BBOF1: variants seen among roughly 807,000 people sequenced by gnomAD.
BBOF1 encodes basal body-orientation factor 1.
In BBOF1, 62 loss-of-function variants were observed where a neutral mutation model predicts 68.0. The observed-to-expected ratio is 0.91, with a 90% CI of 0.74 to 1.13. The LOEUF is 1.13. BBOF1 is among the 50% of genes most tolerant of loss of function. The pLI is 0.00. For missense variants in BBOF1, 534 were observed against 600.1 expected (o/e 0.89, Z 1.15); for synonymous variants, 208 against 198.8 (o/e 1.05, Z -0.39).
At chr14:74,053,717 C>CTT (rs1205753772) in intron 8 of BBOF1, among the ~76,000 whole-genome samples, 2 of 142,250 alleles carry the variant, frequency 1.4e-5, no homozygotes, top group Non-Finnish European at 3.1e-5. Context: ...AAAACCTAAA[C>CTT]TTTTTTTTTT....
intron 11 of BBOF1, chr14:74,059,468 G>A: frequency 2.2e-6 from 1 of 446,826 alleles, no homozygotes; most frequent in South Asian, 1.6e-5. Context: ...GGCCGAGGCA[G>A]GCGGATCACC....
chr14:74,064,770 C>CT lies in BBOF1; in HGVS notation c.*74dup, dbSNP rs1463943775. ...TTGCAGAATCCTTGCTCCTGAATAT[C>CT]TTTAAGAAAATTTCTTAAAGGAAAA... On this transcript the variant is annotated 3_prime_UTR_variant, in exon 12 of 12. Coordinates refer to ENST00000394009, the MANE Select transcript of BBOF1 (RefSeq NM_025057.3). 6.2e-7 allele frequency: 1 copy of CT among 1,611,772 alleles called. No homozygotes were observed. Among genetic ancestry groups the CT allele is most frequent in the Non-Finnish European group, 8.5e-7 (1 of 1,178,004 alleles).
At chr14:74,071,143 C>G (rs565059310) in intron 9 of BBOF1, 2 of 1,536,712 alleles carry the variant, frequency 1.3e-6, no homozygotes, top group African/African-American at 1.4e-5. Context: ...TCACTCAACA[C>G]CTTGATTTTT....
chr14:74,036,500 T>C (rs1289256960), intron 4 of BBOF1, among the ~76,000 whole-genome samples: 8 of 151,962 alleles, frequency 5.3e-5, no homozygotes, highest in African/African-American at 1.2e-4. Flanking sequence ...CTGTCCAACA[T>C]GGCAAAACCC....
chr14:74,060,848 C>G lies in BBOF1; in HGVS notation c.1578+3590C>G, dbSNP rs770108434. The G allele has an allele frequency of 4.3e-5, 35 of 819,472 alleles. No homozygotes were observed. The Middle Eastern group carries it at 1.3e-3, about 30-fold the overall frequency. 50.8% of individuals were successfully genotyped at this position (819,472 alleles called of 1,614,324 possible). Reference sequence around the variant, plus strand: ...GTATTATAAAGTGCTACTCACTTTCCTAATTGAGAAATGCAATCAGAATCC... The same window carrying G: ...GTATTATAAAGTGCTACTCACTTTCGTAATTGAGAAATGCAATCAGAATCC... On this transcript the variant is annotated intron_variant, in intron 11 of 11. Transcript: ENST00000394009.
chr14:74,042,001 C>T (rs1471431983), intron 5 of BBOF1, among the ~76,000 whole-genome samples: 1 of 152,044 alleles, frequency 6.6e-6, no homozygotes, highest in Non-Finnish European at 1.5e-5. Context: ...TGCTCCACTG[C>T]CCTCCATCCT....
rs2060446455 is a variant in BBOF1, at chr14:74,065,446, C to G, written c.*747C>G. ...TTATTTGGTACTTTCACTTACTACA[C>G]ATCATTTACGTGGACAACTTTCATA... is the stretch of plus-strand genomic sequence containing the variant. On this transcript the variant is annotated 3_prime_UTR_variant, in exon 12 of 12. Coordinates refer to ENST00000394009, the MANE Select transcript of BBOF1 (RefSeq NM_025057.3). 3.3e-6 allele frequency: 4 copies of G among 1,221,600 alleles called. No individual in the cohort carries two copies. The South Asian group carries it at 5.1e-5, about 15-fold the overall frequency. The allele number at this position is 1,221,600 out of a possible 1,614,324, so 75.7% of individuals were successfully genotyped here.
At chr14:74,032,118 AT>A (rs780515040) in intron 3 of BBOF1, among the ~76,000 whole-genome samples, 1,235 of 99,654 alleles carry the variant, frequency 0.012, 3 homozygotes, top group African/African-American at 0.031. Flanking sequence ...CTCAAAGTTG[AT>A]TTTTTTTTTT....
chr14:74,056,325 G>A (rs567057365), intron 9 of BBOF1, among the ~76,000 whole-genome samples: 4 of 150,722 alleles, frequency 2.7e-5, no homozygotes, highest in South Asian at 2.1e-4. Context: ...TCAGCCTCCC[G>A]AGTAGCTAGG....
At chr14:74,036,915 A>G (rs1431637559) in intron 4 of BBOF1, among the ~76,000 whole-genome samples, 1 of 150,892 alleles carries the variant, frequency 6.6e-6, no homozygotes, top group African/African-American at 2.4e-5. Flanking sequence ...TTTTATCTAA[A>G]ATATATTCCT....
intron 9 of BBOF1, among the ~76,000 whole-genome samples, chr14:74,056,037 T>A (rs1051668683): frequency 2.6e-4 from 39 of 150,762 alleles, no homozygotes; most frequent in East Asian, 2.1e-3. Flanking sequence ...GATAAGTATT[T>A]TTTTTTTTTT....
chr14:74,073,131 T>C (rs1255333936), intron 9 of BBOF1, among the ~76,000 whole-genome samples: 1 of 151,722 alleles, frequency 6.6e-6, no homozygotes, highest in African/African-American at 2.4e-5. Context: ...TTTTGAGACA[T>C]GGTCTCACTC....
rs770828168 is a variant in BBOF1, at chr14:74,071,416, T to C, written n.1380-6780T>C. On this transcript the variant is annotated intron_variant and non_coding_transcript_variant, in intron 9 of 12. Transcript: ENST00000492026. The stretch of plus-strand genomic sequence containing the variant: ...CACTCCCAGAGGCAGACGGTAGGAA[T>C]AAAGGTCCATGTCTTTGGTGATGGA... 8.1e-6 allele frequency: 13 copies of C among 1,614,146 alleles called. No homozygotes were observed. The South Asian group carries it at 1.2e-4, about 15-fold the overall frequency.
Position 74,036,612 on chromosome 14 carries a change from A to G in BBOF1, c.495+2441A>G, listed in dbSNP as rs534509715. On this transcript the variant is annotated intron_variant, in intron 4 of 11. Coordinates refer to ENST00000394009, the MANE Select transcript of BBOF1 (RefSeq NM_025057.3). ...GGCAGGAGGATCTCTTGAACCTGGG[A>G]GGCGGAGGTAACAGTGAACCAAGAT... Among the ~76,000 whole-genome samples, 5 of 144,322 alleles carry G rather than the reference A, an allele frequency of 3.5e-5. No individual in the cohort carries two copies. In the Admixed American group the frequency reaches 3.6e-4, roughly 10 times the overall value. 94.7% of individuals were successfully genotyped at this position (144,322 alleles called of 152,430 possible).
intron 3 of BBOF1, among the ~76,000 whole-genome samples, chr14:74,033,042 A>G (rs1595032247): frequency 6.7e-6 from 1 of 148,200 alleles, no homozygotes; most frequent in Admixed American, 6.8e-5. Context: ...TCTTTCTCCT[A>G]CCTTCCTCTT....
intron 2 of BBOF1, among the ~76,000 whole-genome samples, chr14:74,027,451 GA>G (rs2059461505): frequency 6.9e-6 from 1 of 144,582 alleles, no homozygotes; most frequent in South Asian, 2.2e-4. Context: ...AGGAGTGATG[GA>G]GTTAGAAAAA....
chr14:74,051,476 G>A (rs751348165), intron 8 of BBOF1, among the ~76,000 whole-genome samples: 4 of 151,630 alleles, frequency 2.6e-5, no homozygotes, highest in Non-Finnish European at 5.9e-5. Flanking sequence ...ATAGAGAACT[G>A]TCCCATGGAT....
At chr14:74,080,277 C>T (rs1046560670) in intron 10 of BBOF1, among the ~76,000 whole-genome samples, 3 of 152,036 alleles carry the variant, frequency 2.0e-5, no homozygotes, top group Non-Finnish European at 2.9e-5. Context: ...GCTGTCCTGC[C>T]ATTATCCCAG....
intron 2 of BBOF1, 73 bp downstream of exon 2, chr14:74,023,217 A>G (rs2140943475): frequency 2.4e-6 from 2 of 833,670 alleles, no homozygotes; most frequent in Non-Finnish European, 3.7e-6. Flanking sequence ...ATGTATTTCA[A>G]AGATTTTTAA....
Sources: gnomAD v4.1 joint callset for allele counts (sites outside exome capture counted in the v4.1 genomes callset) on GRCh38, gnomAD v4.1.1 for gene constraint, MANE v1.5 for transcripts, NCBI Gene and HGNC (gene_info 2026-07-23, HGNC 2026-07-21) for gene names.